HS6ST3: variants seen among roughly 807,000 people sequenced by gnomAD.
The protein encoded by HS6ST3 is heparan sulfate 6-O-sulfotransferase 3, also known as heparan-sulfate 6-O-sulfotransferase 3.
In HS6ST3, 12 loss-of-function variants were observed where a neutral mutation model predicts 36.7. The ratio of observed to expected loss-of-function variants is 0.33; its 90% CI spans 0.21 to 0.53. The LOEUF (loss-of-function observed/expected upper bound fraction) is 0.53, where lower values mean the gene tolerates loss of function less well. HS6ST3 is among the 20% of genes least tolerant of loss of function. The pLI is 0.95. For missense variants in HS6ST3, 584 were observed against 640.9 expected, an observed-to-expected ratio of 0.91 and a Z score of 0.96; for synonymous variants, 240 against 257.5, an observed-to-expected ratio of 0.93 and a Z score of 0.65.
At chr13:96,220,179 T>A (rs1468445673) in intron 1 of HS6ST3, among the ~76,000 whole-genome samples, 1 of 151,930 alleles carries the variant, frequency 6.6e-6, no homozygotes, top group African/African-American at 2.4e-5. Flanking sequence ...TCTTGGAGAG[T>A]GGTAGGATTT....
intron 1 of HS6ST3, among the ~76,000 whole-genome samples, chr13:96,409,287 T>C (rs2055495714): frequency 6.6e-6 from 1 of 152,250 alleles, no homozygotes; most frequent in African/African-American, 2.4e-5. Context: ...AGTAGCTCTG[T>C]GTCCAGTCAT....
At position 96,464,138 on chromosome 13, in the gene HS6ST3, CAA is replaced by C. The variant is rs67305199; in HGVS notation, c.708-368330_708-368329del. ...TCCTCAGGAAAGGACTGTCAGGCCT[CAA>C]AAAAAAAAAAAAAAAAAAAAATCAA... On this transcript the variant is annotated intron_variant, in intron 1 of 1. Transcript: ENST00000376705. Among the ~76,000 whole-genome samples the C allele has an allele frequency of 3.4e-4, 13 of 38,788 alleles. No individual in the cohort carries two copies. In the East Asian group the frequency reaches 3.4e-3, roughly 10 times the overall value. 25.4% of individuals were successfully genotyped at this position (38,788 alleles called of 152,430 possible). A position where few individuals can be genotyped will look rare whatever the true frequency, so the allele number is the denominator to read the frequency against.
intron 1 of HS6ST3, among the ~76,000 whole-genome samples, chr13:96,801,204 TG>T (rs1438069090): frequency 3.9e-5 from 6 of 152,150 alleles, no homozygotes; most frequent in African/African-American, 1.4e-4. Flanking sequence ...TCTGTGTCCT[TG>T]TTTGACTCTC....
At position 96,608,919 on chromosome 13, in the gene HS6ST3, T is replaced by G. The variant is rs149141895; in HGVS notation, c.708-223571T>G. The stretch of plus-strand genomic sequence containing the variant: ...CATTAAGCCATACATCTTTTGTGTG[T>G]GTGTATGTGTAGATAGATAGATAGA... On this transcript the variant is annotated intron_variant, in intron 1 of 1. Transcript: ENST00000376705. Among the ~76,000 whole-genome samples the G allele has an allele frequency of 7.0e-4, 107 of 152,202 alleles. No individual in the cohort carries two copies. The East Asian group carries it at 0.018, about 25-fold the overall frequency.
intron 1 of HS6ST3, among the ~76,000 whole-genome samples, chr13:96,678,487 A>C (rs976829273): frequency 1.3e-5 from 2 of 152,162 alleles, no homozygotes; most frequent in Non-Finnish European, 2.9e-5. Context: ...AGCCTGGCCA[A>C]GATAGTGAAA....
At chr13:96,448,417 A>G (rs571149089) in intron 1 of HS6ST3, among the ~76,000 whole-genome samples, 9 of 152,250 alleles carry the variant, frequency 5.9e-5, no homozygotes, top group African/African-American at 2.2e-4. Flanking sequence ...TTATGGCTAA[A>G]TACTAAACCA....
chr13:96,397,778 C>T (rs115778428), intron 1 of HS6ST3, among the ~76,000 whole-genome samples: 5 of 152,302 alleles, frequency 3.3e-5, no homozygotes, highest in South Asian at 2.1e-4. Context: ...AGAACAGCAA[C>T]GATATGGCTT....
intron 1 of HS6ST3, among the ~76,000 whole-genome samples, chr13:96,215,501 C>A (rs78962943): frequency 0.025 from 3,833 of 152,150 alleles, 61 homozygotes; most frequent in East Asian, 0.055. Context: ...ACTGTGTACT[C>A]TTCTATAGTT....
intron 1 of HS6ST3, among the ~76,000 whole-genome samples, chr13:96,778,316 T>A (rs375222976): frequency 8.4e-4 from 128 of 152,100 alleles, no homozygotes; most frequent in African/African-American, 2.8e-3. Context: ...AAGCCAAAAT[T>A]GACAAATGGG....
chr13:96,603,003 A>G (rs1282207186), intron 1 of HS6ST3, among the ~76,000 whole-genome samples: 1 of 152,160 alleles, frequency 6.6e-6, no homozygotes, highest in Non-Finnish European at 1.5e-5. Context: ...ACTATGCTGT[A>G]TCACCTGGCT....
intron 1 of HS6ST3, among the ~76,000 whole-genome samples, chr13:96,662,609 A>G (rs2056650326): frequency 6.6e-6 from 1 of 150,906 alleles, no homozygotes; most frequent in Admixed American, 6.6e-5. Context: ...TTGAATTTTT[A>G]ATTTGTCATT....
chr13:96,176,260 A>G (rs1302937259), intron 1 of HS6ST3, among the ~76,000 whole-genome samples: 1 of 152,210 alleles, frequency 6.6e-6, no homozygotes, highest in East Asian at 1.9e-4. Flanking sequence ...TCATTTTTTG[A>G]AAGTTGTTTA....
intron 1 of HS6ST3, among the ~76,000 whole-genome samples, chr13:96,745,223 AT>A (rs1876534011): frequency 1.3e-5 from 2 of 152,022 alleles, no homozygotes; most frequent in African/African-American, 4.8e-5. Context: ...TTACATAAAT[AT>A]TTTCTAATGC....
intron 1 of HS6ST3, among the ~76,000 whole-genome samples, chr13:96,322,315 C>T (rs1424273784): frequency 2.0e-5 from 3 of 147,934 alleles, no homozygotes; most frequent in African/African-American, 5.0e-5. Context: ...GAGGCCGAGG[C>T]GGGCGGATCA....
Position 96,547,003 on chromosome 13 carries a change from A to G in HS6ST3, c.708-285487A>G, listed in dbSNP as rs1005982543. Among the ~76,000 whole-genome samples the G allele has an allele frequency of 2.0e-5, 3 of 152,312 alleles. No homozygotes were observed. In the East Asian group the frequency reaches 5.8e-4, roughly 29 times the overall value. ...GTAGCCCACCCCTGATGCCAGAAAGAAAATGGTAAATTATAGAAACAAAAT... is the reference window on the plus strand; with the variant it reads ...GTAGCCCACCCCTGATGCCAGAAAGGAAATGGTAAATTATAGAAACAAAAT... On this transcript the variant is annotated intron_variant, in intron 1 of 1. Coordinates refer to ENST00000376705, the MANE Select transcript of HS6ST3 (RefSeq NM_153456.4).
At chr13:96,683,991 GCTAAGTCACTTT>G (rs988618271) in intron 1 of HS6ST3, among the ~76,000 whole-genome samples, 1 of 152,070 alleles carries the variant, frequency 6.6e-6, no homozygotes, top group African/African-American at 2.4e-5. Flanking sequence ...AAGGCTGAGA[GCTAAGTCACTTT>G]CTACAAGTCC....
chr13:96,604,609 C>A (rs2056432205), intron 1 of HS6ST3, among the ~76,000 whole-genome samples: 1 of 152,100 alleles, frequency 6.6e-6, no homozygotes, highest in South Asian at 2.1e-4. Context: ...ATGATTAGTT[C>A]TTTAACAATA....
In HS6ST3 at chr13:96,171,335, G is replaced by A. The variant is rs148991494; in HGVS notation, c.707+79766G>A. On this transcript the variant is annotated intron_variant, in intron 1 of 1. Transcript: ENST00000376705. ...TCTGTCCTGCGTGAGTGGTTTCTCA[G>A]GTCAAAATGTCTTTTCTTTCTTTGG... 1.1e-4 allele frequency among the ~76,000 whole-genome samples: 16 copies of A among 152,226 alleles called. No homozygotes were observed. In the East Asian group the frequency reaches 3.1e-3, roughly 29 times the overall value.
chr13:96,232,671 G>C (rs773871056), intron 1 of HS6ST3, among the ~76,000 whole-genome samples: 10 of 152,138 alleles, frequency 6.6e-5, no homozygotes, highest in Non-Finnish European at 1.5e-4. Context: ...GGACTGGAGA[G>C]GGATTGGCTG....
Sources: allele counts gnomAD v4.1 joint callset (sites outside exome capture counted in the v4.1 genomes callset), GRCh38; gene constraint gnomAD v4.1.1; transcripts MANE v1.5; gene names NCBI Gene and HGNC (gene_info 2026-07-23, HGNC 2026-07-21).